CNTNAP2: variants seen among roughly 807,000 people sequenced by gnomAD.
The protein encoded by CNTNAP2 is contactin-associated protein-like 2.
A neutral mutation model predicts 155.2 loss-of-function variants in CNTNAP2; 98 were observed. The observed-to-expected ratio is 0.63, with a 90% CI of 0.54 to 0.75. The LOEUF is 0.75. Among genes scored for constraint, CNTNAP2 ranks in the 30% least tolerant of loss-of-function variants. CNTNAP2 has a pLI of 0.00. For synonymous variants in CNTNAP2, 651 were observed against 631.2 expected, an observed-to-expected ratio of 1.03 and a Z score of -0.47; for missense variants, 1,727 against 1,688.1, an observed-to-expected ratio of 1.02 and a Z score of -0.40.
chr7:146,738,612 T>C (rs1801659276), intron 1 of CNTNAP2, among the ~76,000 whole-genome samples: 2 of 151,968 alleles, frequency 1.3e-5, no homozygotes, highest in Admixed American at 1.3e-4. Flanking sequence ...AAATGCTTTC[T>C]TCTATGTATT....
In CNTNAP2 at chr7:148,415,694, A is replaced by ATACTC; in HGVS notation, c.*80_*84dup. ...GAAAGGGACAAAAGCACCCTGCTTCATACTCTTGAGCACATCCTTAAAATA... is the reference window on the plus strand; with the variant it reads ...GAAAGGGACAAAAGCACCCTGCTTCATACTCTACTCTTGAGCACATCCTTAAAATA... On this transcript the variant is annotated 3_prime_UTR_variant, in exon 24 of 24. Coordinates refer to ENST00000361727, the MANE Select transcript of CNTNAP2 (RefSeq NM_014141.6). 6.5e-7 allele frequency: 1 copy of ATACTC among 1,526,840 alleles called. No individual in the cohort carries two copies. Among genetic ancestry groups the ATACTC allele is most frequent in the South Asian group, 1.1e-5 (1 of 87,864 alleles). The allele number at this position is 1,526,840 out of a possible 1,614,324, so 94.6% of individuals were successfully genotyped here. A position where few individuals can be genotyped will look rare whatever the true frequency, so the allele number is the denominator to read the frequency against.
chr7:147,097,355 A>G (rs1800558437), intron 4 of CNTNAP2: 1 of 152,238 alleles, frequency 6.6e-6, no homozygotes, highest in African/African-American at 2.4e-5. Context: ...ATGATGTATT[A>G]GTTGGTTTTC....
chr7:147,260,085 C>T (rs999459604), intron 8 of CNTNAP2, among the ~76,000 whole-genome samples: 7 of 152,146 alleles, frequency 4.6e-5, no homozygotes, highest in South Asian at 2.1e-4. Flanking sequence ...TGTTTTTCCG[C>T]GGAAACTATG....
chr7:146,742,849 C>T (rs114746293), intron 1 of CNTNAP2, among the ~76,000 whole-genome samples: 2,127 of 152,132 alleles, frequency 0.014, 53 homozygotes, highest in African/African-American at 0.046. Context: ...ATTTTTGGTA[C>T]TCACAGTTGA....
chr7:146,679,347 C>CTTT (rs34541415), intron 1 of CNTNAP2, among the ~76,000 whole-genome samples: 5,244 of 106,824 alleles, frequency 0.049, 278 homozygotes, highest in East Asian at 0.092. Flanking sequence ...GATCTTGTTT[C>CTTT]TTTTTTTTTT....
chr7:146,262,217 C>T (rs1033000907), intron 1 of CNTNAP2, among the ~76,000 whole-genome samples: 4 of 152,144 alleles, frequency 2.6e-5, no homozygotes, highest in African/African-American at 9.7e-5. Flanking sequence ...AGCTAATAAT[C>T]GTGAGAACAA....
At chr7:147,253,159 C>T (rs1804238993) in intron 8 of CNTNAP2, among the ~76,000 whole-genome samples, 1 of 152,118 alleles carries the variant, frequency 6.6e-6, no homozygotes, top group Non-Finnish European at 1.5e-5. Flanking sequence ...GGCTACTGCC[C>T]GTTCTGATGC....
intron 22 of CNTNAP2, among the ~76,000 whole-genome samples, chr7:148,388,125 G>T (rs1799258052): frequency 6.6e-6 from 1 of 152,168 alleles, no homozygotes; most frequent in African/African-American, 2.4e-5. Flanking sequence ...TGTCTGTGGT[G>T]TAGCTATTCT....
chr7:148,188,444 A>C (rs1795155508), intron 18 of CNTNAP2, among the ~76,000 whole-genome samples: 1 of 152,204 alleles, frequency 6.6e-6, no homozygotes, highest in African/African-American at 2.4e-5. Flanking sequence ...GGAGATAGTT[A>C]AGATGACTTC....
chr7:147,870,624 A>G (rs1243491912), intron 13 of CNTNAP2, among the ~76,000 whole-genome samples: 4 of 152,220 alleles, frequency 2.6e-5, no homozygotes, highest in Non-Finnish European at 5.9e-5. Flanking sequence ...CTGGCATTCA[A>G]CATAAAATCA....
chr7:147,567,145 A>G (rs1800190850), intron 12 of CNTNAP2, among the ~76,000 whole-genome samples: 1 of 152,176 alleles, frequency 6.6e-6, no homozygotes, highest in Admixed American at 6.5e-5. Flanking sequence ...CCATGGATTG[A>G]GCTACATCCT....
chr7:146,972,456 A>G (rs1234879238), intron 3 of CNTNAP2, among the ~76,000 whole-genome samples: 2 of 152,226 alleles, frequency 1.3e-5, no homozygotes, highest in East Asian at 3.8e-4. Context: ...AGTATGTTAT[A>G]TGTACAGAAT....
intron 1 of CNTNAP2, among the ~76,000 whole-genome samples, chr7:146,134,282 G>T (rs1797763149): frequency 6.7e-6 from 1 of 148,446 alleles, no homozygotes; most frequent in Non-Finnish European, 1.5e-5. Context: ...CTTTGCTGAA[G>T]TTGCTTATCA....
intron 13 of CNTNAP2, among the ~76,000 whole-genome samples, chr7:147,902,304 A>G (rs1365360079): frequency 6.6e-6 from 1 of 152,194 alleles, no homozygotes; most frequent in South Asian, 2.1e-4. Flanking sequence ...CTTTATGCTT[A>G]TGTTTATATT....
intron 1 of CNTNAP2, among the ~76,000 whole-genome samples, chr7:146,668,840 G>T (rs1388008589): frequency 4.6e-5 from 7 of 151,894 alleles, no homozygotes; most frequent in South Asian, 2.1e-4. Context: ...TGTGGTATTT[G>T]TTATGATGCC....
At chr7:146,899,334 G>A (rs372603455) in intron 3 of CNTNAP2, among the ~76,000 whole-genome samples, 109 of 152,060 alleles carry the variant, frequency 7.2e-4, no homozygotes, top group African/African-American at 1.7e-3. Flanking sequence ...ACTTTTCTTC[G>A]GGGTCCTGAA....
intron 3 of CNTNAP2, among the ~76,000 whole-genome samples, chr7:147,022,001 T>C (rs773630678): frequency 8.5e-5 from 13 of 152,092 alleles, no homozygotes; most frequent in Non-Finnish European, 1.9e-4. Context: ...GTCATGAAAA[T>C]ATTTTTCAAG....
At chr7:147,920,776 C>A (rs1179446920) in intron 14 of CNTNAP2, among the ~76,000 whole-genome samples, 2 of 149,722 alleles carry the variant, frequency 1.3e-5, no homozygotes, top group Admixed American at 1.3e-4. Flanking sequence ...TACACCACTG[C>A]AATTTCACGT....
intron 21 of CNTNAP2, among the ~76,000 whole-genome samples, chr7:148,373,882 G>C (rs889629739): frequency 6.6e-6 from 1 of 152,192 alleles, no homozygotes; most frequent in African/African-American, 2.4e-5. Flanking sequence ...ATCCAGGGTG[G>C]TTGCGATCGT....
Sources: allele counts gnomAD v4.1 joint callset (sites outside exome capture counted in the v4.1 genomes callset), GRCh38; gene constraint gnomAD v4.1.1; transcripts MANE v1.5; gene names NCBI Gene and HGNC (gene_info 2026-07-23, HGNC 2026-07-21).